Variants in CALD1 observed in about 807,000 individuals in gnomAD.
The protein encoded by CALD1 is caldesmon.
In CALD1, 33 loss-of-function variants were observed where a neutral mutation model predicts 99.9. That is an observed-to-expected ratio of 0.33 (90% CI 0.25 to 0.44). The LOEUF is 0.44. Among genes scored for constraint, CALD1 ranks in the 20% least tolerant of loss-of-function variants. The pLI, the probability that CALD1 is intolerant of heterozygous loss-of-function variation, is 1.00. For missense variants in CALD1, 861 were observed against 962.1 expected (o/e 0.89, Z 1.39); for synonymous variants, 310 against 325.0 (o/e 0.95, Z 0.50).
chr7:134,767,228 T>C (rs76249220), intron 1 of CALD1, among the ~76,000 whole-genome samples: 1,659 of 149,272 alleles, frequency 0.011, 31 homozygotes, highest in African/African-American at 0.04. Flanking sequence ...TGTGTGTGCG[T>C]GTGTGACATA....
intron 1 of CALD1, among the ~76,000 whole-genome samples, chr7:134,812,218 C>T (rs1462332845): frequency 1.3e-5 from 2 of 152,018 alleles, no homozygotes; most frequent in African/African-American, 4.8e-5. Flanking sequence ...GGAAATGTTC[C>T]CTATAAGCTG....
chr7:134,962,443 G>A (rs1005359958), intron 13 of CALD1: 4 of 152,856 alleles, frequency 2.6e-5, no homozygotes, highest in African/African-American at 9.8e-5. Context: ...TAATTAGTAT[G>A]TGACTTGCTA....
At chr7:134,730,276 A>G in the CALD1 span, among the ~76,000 whole-genome samples, 3 of 151,378 alleles carry the variant, frequency 2.0e-5, no homozygotes, top group African/African-American at 4.9e-5. Flanking sequence ...GCCTCTAAAT[A>G]TAAATCAAAC....
intron 3 of CALD1, among the ~76,000 whole-genome samples, chr7:134,874,296 G>T (rs1284365899): frequency 6.6e-6 from 1 of 151,740 alleles, no homozygotes; most frequent in African/African-American, 2.4e-5. Flanking sequence ...AGGTTCAAGC[G>T]ATTCTCCTGC....
chr7:134,893,242 G>T (rs2132524249), intron 3 of CALD1, among the ~76,000 whole-genome samples: 1 of 152,058 alleles, frequency 6.6e-6, no homozygotes, highest in African/African-American at 2.4e-5. Flanking sequence ...CTGCCATCTG[G>T]TCCTCGGCCT....
chr7:134,711,680 ATGTGTGTGTGTGTGTGTGTGTG>A, the CALD1 span, among the ~76,000 whole-genome samples: 12 of 109,586 alleles, frequency 1.1e-4, no homozygotes, highest in East Asian at 2.5e-4. Context: ...ATATATATAT[ATGTGTGTGTGTGTGTGTGTGTG>A]TGTGTGTGTG....
At chr7:134,780,693 G>T (rs1208171965) in intron 1 of CALD1, among the ~76,000 whole-genome samples, 4 of 152,172 alleles carry the variant, frequency 2.6e-5, no homozygotes, top group South Asian at 2.1e-4. Context: ...GGGAATTTTA[G>T]TGCTGTGGCA....
At chr7:134,725,457 C>A in the CALD1 span, among the ~76,000 whole-genome samples, 13 of 152,182 alleles carry the variant, frequency 8.5e-5, no homozygotes, top group South Asian at 8.3e-4. Context: ...TGATTTAGGG[C>A]AGGATTTGCA....
intron 2 of CALD1, among the ~76,000 whole-genome samples, chr7:134,845,362 A>T (rs548307470): frequency 3.9e-5 from 6 of 152,322 alleles, no homozygotes; most frequent in African/African-American, 1.2e-4. Context: ...ACTGTCTCCA[A>T]ATGATGAGTA....
intron 3 of CALD1, among the ~76,000 whole-genome samples, chr7:134,903,154 A>G (rs1395816974): frequency 6.6e-6 from 1 of 152,178 alleles, no homozygotes; most frequent in East Asian, 1.9e-4. Context: ...GTTTCTAGGC[A>G]CTAGGGCAAG....
chr7:134,855,634 A>G (rs7789417), intron 2 of CALD1, among the ~76,000 whole-genome samples: 124,960 of 152,268 alleles, frequency 0.82, 51,589 homozygotes, highest in East Asian at 0.99. Flanking sequence ...TTGGTAGGCC[A>G]CATGTAGTTC....
chr7:134,918,885 A>G (rs759771786), intron 3 of CALD1, among the ~76,000 whole-genome samples: 2 of 152,162 alleles, frequency 1.3e-5, no homozygotes, highest in Non-Finnish European at 2.9e-5. Context: ...AGTCCCAGCT[A>G]CTCAGGGGGC....
At chr7:134,951,097 A>C (rs541572700) in intron 9 of CALD1, among the ~76,000 whole-genome samples, 2 of 152,318 alleles carry the variant, frequency 1.3e-5, no homozygotes, top group South Asian at 4.1e-4. Context: ...GAAAGGGAGA[A>C]AACAGGCTTC....
chr7:134,810,606 T>A (rs953645750), intron 1 of CALD1, among the ~76,000 whole-genome samples: 1 of 152,118 alleles, frequency 6.6e-6, no homozygotes, highest in Non-Finnish European at 1.5e-5. Flanking sequence ...TCTTTAGGGT[T>A]TCTCCCATGA....
intron 3 of CALD1, among the ~76,000 whole-genome samples, chr7:134,908,405 T>C (rs1803558967): frequency 6.6e-6 from 1 of 152,222 alleles, no homozygotes; most frequent in Non-Finnish European, 1.5e-5. Flanking sequence ...TGCTCATCTA[T>C]TTCCTGTCTG....
chr7:134,807,584 A>G (rs1798194012), intron 1 of CALD1, among the ~76,000 whole-genome samples: 1 of 152,184 alleles, frequency 6.6e-6, no homozygotes, highest in Non-Finnish European at 1.5e-5. Flanking sequence ...ATGGGGGAGC[A>G]TGAAGAGGGT....
chr7:134,797,166 G>A (rs1328003195), intron 1 of CALD1, among the ~76,000 whole-genome samples: 1 of 152,064 alleles, frequency 6.6e-6, no homozygotes, highest in Non-Finnish European at 1.5e-5. Context: ...TTTATTTTTT[G>A]TAGAGACGAG....
chr7:134,949,846 GGAA>G (rs2133147589), intron 8 of CALD1, among the ~76,000 whole-genome samples: 1 of 151,950 alleles, frequency 6.6e-6, no homozygotes, highest in Admixed American at 6.6e-5. Context: ...GGGTCACATT[GGAA>G]GAAGAATTGC....
At chr7:134,875,422 G>A (rs955836737) in intron 3 of CALD1, among the ~76,000 whole-genome samples, 4 of 152,204 alleles carry the variant, frequency 2.6e-5, no homozygotes, top group African/African-American at 9.7e-5. Flanking sequence ...GATCACCTGA[G>A]GTCAGGAGTT....
Sources: gnomAD v4.1 joint callset for allele counts (sites outside exome capture counted in the v4.1 genomes callset) on GRCh38, gnomAD v4.1.1 for gene constraint, MANE v1.5 for transcripts, NCBI Gene and HGNC (gene_info 2026-07-23, HGNC 2026-07-21) for gene names.